UBE2E2: variants seen among roughly 807,000 people sequenced by gnomAD.
The protein encoded by UBE2E2 is ubiquitin conjugating enzyme E2 E2, also known as ubiquitin-conjugating enzyme E2 E2.
A neutral mutation model predicts 24.7 loss-of-function variants in UBE2E2; 6 were observed. That is an observed-to-expected ratio of 0.24 (90% CI 0.13 to 0.48). The LOEUF (loss-of-function observed/expected upper bound fraction) is 0.48. UBE2E2 is among the 20% of genes least tolerant of loss of function. The pLI is 0.99. For missense variants in UBE2E2, 169 were observed against 245.0 expected (o/e 0.69, Z 2.07); for synonymous variants, 104 against 83.6 (o/e 1.24, Z -1.33).
intron 3 of UBE2E2, among the ~76,000 whole-genome samples, chr3:23,413,156 C>T (rs1697535724): frequency 6.6e-6 from 1 of 151,302 alleles, no homozygotes; most frequent in South Asian, 2.1e-4. Flanking sequence ...TGTAACAAGC[C>T]TGCACATTGT....
intron 3 of UBE2E2, among the ~76,000 whole-genome samples, chr3:23,499,142 A>G (rs1699666377): frequency 6.6e-6 from 1 of 152,172 alleles, no homozygotes; most frequent in Admixed American, 6.5e-5. Flanking sequence ...TTGGGTGGGG[A>G]GAAAGAAAGG....
At position 23,257,517 on chromosome 3, in the gene UBE2E2, C is replaced by A. The variant is rs1316661657; in HGVS notation, c.227+40205C>A. ...TTCTTCTGGCTGTTTCCCGTGCCCCCCCCCCCCCCCCACTTTTTTTTTTTT... is the reference window on the plus strand; with the variant it reads ...TTCTTCTGGCTGTTTCCCGTGCCCCACCCCCCCCCCCACTTTTTTTTTTTT... On this transcript the variant is annotated intron_variant, in intron 3 of 5. Coordinates refer to ENST00000396703, the MANE Select transcript of UBE2E2 (RefSeq NM_152653.4). Among the ~76,000 whole-genome samples, 111 of 21,590 alleles carry A rather than the reference C, an allele frequency of 5.1e-3. 3 individuals carry two copies. The highest frequency in any genetic ancestry group is 9.7e-3 in the Non-Finnish European group (98 of 10,052). 14.2% of individuals were successfully genotyped at this position (21,590 alleles called of 152,430 possible). A position where few individuals can be genotyped will look rare whatever the true frequency, so the allele number is the denominator to read the frequency against.
intron 5 of UBE2E2, among the ~76,000 whole-genome samples, chr3:23,540,333 A>G (rs933114075): frequency 6.6e-6 from 1 of 152,174 alleles, no homozygotes; most frequent in Non-Finnish European, 1.5e-5. Flanking sequence ...TATGTTACTA[A>G]AAGATACAGC....
intron 3 of UBE2E2, among the ~76,000 whole-genome samples, chr3:23,480,387 C>T (rs1699232158): frequency 1.3e-5 from 2 of 152,180 alleles, no homozygotes; most frequent in African/African-American, 2.4e-5. Flanking sequence ...CTTCCTAGGC[C>T]CCCAAGAGTG....
intron 2 of UBE2E2, among the ~76,000 whole-genome samples, chr3:23,209,587 A>G (rs915586717): frequency 3.3e-5 from 5 of 152,204 alleles, no homozygotes; most frequent in African/African-American, 1.2e-4. Context: ...CTTTGTTTTC[A>G]TATATTTTAC....
chr3:23,230,575 A>G (rs1050079842), intron 3 of UBE2E2, among the ~76,000 whole-genome samples: 1 of 152,134 alleles, frequency 6.6e-6, no homozygotes. Context: ...ATTTGAGGTC[A>G]GCAGTTTGAG....
At chr3:23,585,726 T>G (rs996527330) in intron 5 of UBE2E2, among the ~76,000 whole-genome samples, 6 of 152,208 alleles carry the variant, frequency 3.9e-5, no homozygotes, top group Non-Finnish European at 8.8e-5. Flanking sequence ...TGACAGATGA[T>G]AATCTCAAAT....
chr3:23,303,324 C>T (rs1699153086), intron 3 of UBE2E2, among the ~76,000 whole-genome samples: 1 of 152,002 alleles, frequency 6.6e-6, no homozygotes, highest in Admixed American at 6.6e-5. Context: ...AAATAAAGTG[C>T]ACAACAACTA....
At chr3:23,298,421 G>T (rs1698974081) in intron 3 of UBE2E2, among the ~76,000 whole-genome samples, 1 of 152,192 alleles carries the variant, frequency 6.6e-6, no homozygotes, top group South Asian at 2.1e-4. Flanking sequence ...ATTGGCTGTA[G>T]GTTTGTCATA....
At chr3:23,337,306 G>T (rs1181092327) in intron 3 of UBE2E2, among the ~76,000 whole-genome samples, 5 of 152,090 alleles carry the variant, frequency 3.3e-5, no homozygotes, top group Non-Finnish European at 7.4e-5. Context: ...ACTATATCTA[G>T]CTAATTTTCG....
At chr3:23,463,027 T>C (rs1039435033) in intron 3 of UBE2E2, among the ~76,000 whole-genome samples, 4 of 152,176 alleles carry the variant, frequency 2.6e-5, no homozygotes, top group Admixed American at 1.3e-4. Flanking sequence ...AATAGGTTCA[T>C]ATTACAAATT....
At chr3:23,316,814 A>C (rs1433617508) in intron 3 of UBE2E2, among the ~76,000 whole-genome samples, 2 of 152,030 alleles carry the variant, frequency 1.3e-5, no homozygotes, top group Non-Finnish European at 2.9e-5. Context: ...TTAAGTCAGC[A>C]GGTGATGAAT....
rs71620785 is a variant in UBE2E2 at position 23,585,370 on chromosome 3, C to CAA, written c.509-4346_509-4345dup. Among the ~76,000 whole-genome samples the CAA allele has an allele frequency of 3.8e-3, 329 of 85,994 alleles. 3 individuals are homozygous for CAA. The highest frequency in any genetic ancestry group is 0.012 in the Middle Eastern group (2 of 162). The allele number at this position is 85,994 out of a possible 152,430, so 56.4% of individuals were successfully genotyped here. On this transcript the variant is annotated intron_variant, in intron 5 of 5. Coordinates refer to ENST00000396703, the MANE Select transcript of UBE2E2 (RefSeq NM_152653.4). ...AGGGCAACAGAGTGAGACCCTGTCT[C>CAA]AAAAAAAAAAAAAAAAAAAGACATG...
intron 5 of UBE2E2, among the ~76,000 whole-genome samples, chr3:23,561,558 C>T (rs1290395342): frequency 1.3e-5 from 2 of 151,882 alleles, no homozygotes; most frequent in East Asian, 3.9e-4. Context: ...AATGCGGGCT[C>T]TTTTTTGGTT....
chr3:23,496,682 T>G (rs572165906), intron 3 of UBE2E2, among the ~76,000 whole-genome samples: 1 of 152,316 alleles, frequency 6.6e-6, no homozygotes, highest in Non-Finnish European at 1.5e-5. Context: ...TTTGTGTTGT[T>G]TCCAATTTTG....
At chr3:23,316,324 A>G (rs762722474) in intron 3 of UBE2E2, among the ~76,000 whole-genome samples, 41 of 152,152 alleles carry the variant, frequency 2.7e-4, no homozygotes, top group Non-Finnish European at 4.1e-4. Context: ...CACCGAAACC[A>G]CAAGACAAAG....
intron 3 of UBE2E2, among the ~76,000 whole-genome samples, chr3:23,273,066 C>CAG (rs1213157847): frequency 1.3e-5 from 2 of 152,158 alleles, no homozygotes; most frequent in African/African-American, 4.8e-5. Flanking sequence ...AACACCCTCA[C>CAG]AGACACACTT....
At chr3:23,402,889 G>C (rs1366907806) in intron 3 of UBE2E2, among the ~76,000 whole-genome samples, 1 of 152,138 alleles carries the variant, frequency 6.6e-6, no homozygotes, top group African/African-American at 2.4e-5. Context: ...CCAGAGATGT[G>C]GTTGAGTCCC....
chr3:23,334,982 GAA>G (rs1472191168), intron 3 of UBE2E2, among the ~76,000 whole-genome samples: 5 of 152,140 alleles, frequency 3.3e-5, no homozygotes, highest in Admixed American at 3.3e-4. Flanking sequence ...AAATTTGAGA[GAA>G]AGGAAACTTT....
Sources: allele counts gnomAD v4.1 joint callset (sites outside exome capture counted in the v4.1 genomes callset), GRCh38; gene constraint gnomAD v4.1.1; transcripts MANE v1.5; gene names NCBI Gene and HGNC (gene_info 2026-07-23, HGNC 2026-07-21).